Variants in ADAM19 observed in about 807,000 individuals in gnomAD.
The protein encoded by ADAM19 is ADAM metallopeptidase domain 19, also known as disintegrin and metalloproteinase domain-containing protein 19.
ADAM19 carries 65 observed loss-of-function variants against 114.7 expected under a neutral mutation model. The ratio of observed to expected loss-of-function variants is 0.57; its 90% confidence interval spans 0.46 to 0.70. The LOEUF is 0.70. Among genes scored for constraint, ADAM19 ranks in the 30% least tolerant of loss-of-function variants. The probability of loss-of-function intolerance (pLI) is 0.00; values close to 1 mark genes in which losing one functional copy is unlikely to be tolerated. For missense variants in ADAM19, 1,063 were observed against 1,204.7 expected, an observed-to-expected ratio of 0.88 and a Z score of 1.74; for synonymous variants, 466 against 460.5, an observed-to-expected ratio of 1.01 and a Z score of -0.15.
chr5:157,491,768 C>G (rs201100159), intron 17 of ADAM19, 45 bp from the exon 18 acceptor site: 1 of 1,611,466 alleles, frequency 6.2e-7, no homozygotes, highest in African/African-American at 1.3e-5. Flanking sequence ...CAGAGAGCAT[C>G]AGCCACCCAC....
chr5:157,572,410 T>C, intron 1 of ADAM19: 1 of 364,922 alleles, frequency 2.7e-6, no homozygotes, highest in South Asian at 2.0e-5. Context: ...AACAGACTGG[T>C]CTCCGTAGTG....
rs774081742 is a variant in ADAM19 at position 157,488,442 on chromosome 5, G to C, written c.2373C>G (p.Pro791=). 2.5e-6 allele frequency: 4 copies of C among 1,611,294 alleles called. No homozygotes were observed. The highest frequency in any genetic ancestry group is 3.4e-6 in the Non-Finnish European group (4 of 1,178,168). The stretch of plus-strand genomic sequence containing the variant: ...CACGCAGATAATCTGGAGGGGGCCG[G>C]GGAGGAGGCTGGGAGGGCTTCCGCA... ...EILRKPSQPP[P]RPPPDYLRGG... is the part of the protein sequence containing the mutation. The change falls in exon 21 of 23, where the codon CCC becomes CCG. Residue 791 remains proline (P), a synonymous_variant. Coordinates refer to ENST00000257527, the MANE Select transcript of ADAM19 (RefSeq NM_033274.5).
chr5:157,509,974 T>C (rs192587858), intron 8 of ADAM19, among the ~76,000 whole-genome samples: 2 of 152,378 alleles, frequency 1.3e-5, no homozygotes, highest in Non-Finnish European at 2.9e-5. Context: ...TGCTGTCTTC[T>C]GTAATCAGTG....
chr5:157,562,104 C>T (rs760513216), intron 3 of ADAM19, among the ~76,000 whole-genome samples: 1 of 152,150 alleles, frequency 6.6e-6, no homozygotes, highest in Non-Finnish European at 1.5e-5. Flanking sequence ...AATCCGGACT[C>T]GCACGCACCA....
intron 4 of ADAM19, among the ~76,000 whole-genome samples, chr5:157,537,050 T>C (rs1756787128): frequency 2.0e-5 from 3 of 152,210 alleles, no homozygotes; most frequent in East Asian, 3.8e-4. Context: ...GATAATTCTG[T>C]TGTGGGGGAG....
intron 5 of ADAM19, among the ~76,000 whole-genome samples, chr5:157,520,665 A>G (rs1756259623): frequency 6.6e-6 from 1 of 152,230 alleles, no homozygotes; most frequent in Non-Finnish European, 1.5e-5. Flanking sequence ...CTGGATGATT[A>G]AGTGGAAAGA....
Position 157,480,171 on chromosome 5 carries a change from G to C in ADAM19, c.*778C>G. 1 of 986,198 alleles carries C rather than the reference G, an allele frequency of 1.0e-6. No individual in the cohort carries two copies. The highest frequency in any genetic ancestry group is 1.2e-6 in the Non-Finnish European group (1 of 830,116). 61.1% of individuals were successfully genotyped at this position (986,198 alleles called of 1,614,324 possible). ...GAAGAGAGAAAAGCGTGGGGCACCAGGAAAGTGCGGCAGAGAAAACAAAGA... is the reference window on the plus strand; with the variant it reads ...GAAGAGAGAAAAGCGTGGGGCACCACGAAAGTGCGGCAGAGAAAACAAAGA... On this transcript the variant is annotated 3_prime_UTR_variant, in exon 23 of 23. Coordinates refer to ENST00000257527, the MANE Select transcript of ADAM19 (RefSeq NM_033274.5).
intron 3 of ADAM19, among the ~76,000 whole-genome samples, chr5:157,553,199 T>G (rs1757252942): frequency 6.6e-6 from 1 of 152,230 alleles, no homozygotes; most frequent in South Asian, 2.1e-4. Context: ...CTGTTTGCAA[T>G]GCAACGGATA....
intron 5 of ADAM19, among the ~76,000 whole-genome samples, chr5:157,524,507 C>G (rs1417816262): frequency 1.3e-5 from 2 of 152,250 alleles, no homozygotes; most frequent in African/African-American, 4.8e-5. Context: ...TTCCTGGGGA[C>G]TTGTCCATTC....
Position 157,505,819 on chromosome 5 carries a change from G to A in ADAM19, c.991-11C>T. ...ATTCTCGGAGTGGTCCTGCTCAGAAGACAGAGTTGAGGTCAAGGTCAAGGG... is the reference window on the plus strand; with the variant it reads ...ATTCTCGGAGTGGTCCTGCTCAGAAAACAGAGTTGAGGTCAAGGTCAAGGG... On this transcript the variant is annotated splice_polypyrimidine_tract_variant and intron_variant, in intron 10 of 22. Coordinates refer to ENST00000257527, the MANE Select transcript of ADAM19 (RefSeq NM_033274.5). The A allele has an allele frequency of 6.2e-7, 1 of 1,613,134 alleles. No homozygotes were observed. Among genetic ancestry groups the A allele is most frequent in the Non-Finnish European group, 8.5e-7 (1 of 1,179,308 alleles).
chr5:157,517,373 G>A (rs560950381), intron 7 of ADAM19, among the ~76,000 whole-genome samples: 86 of 152,352 alleles, frequency 5.6e-4, no homozygotes, highest in African/African-American at 1.5e-3. Flanking sequence ...CGAACACAGC[G>A]AGCGCTCAGC....
intron 3 of ADAM19, among the ~76,000 whole-genome samples, chr5:157,546,709 C>A (rs1248435177): frequency 6.6e-6 from 1 of 152,164 alleles, no homozygotes. Flanking sequence ...GCCCTCTCCC[C>A]GGGGAGACTG....
chr5:157,523,680 G>A (rs1479024873), intron 5 of ADAM19, among the ~76,000 whole-genome samples: 1 of 152,178 alleles, frequency 6.6e-6, no homozygotes, highest in Non-Finnish European at 1.5e-5. Context: ...TCGCAGAACT[G>A]TAAGCCAAAA....
At position 157,494,674 on chromosome 5, in the gene ADAM19, C is replaced by CT. The variant is rs1755297132; in HGVS notation, c.1703+12dup. On this transcript the variant is annotated intron_variant, in intron 15 of 22. Coordinates refer to ENST00000257527, the MANE Select transcript of ADAM19 (RefSeq NM_033274.5). ...TCATCCTCATTTCATGAGGCCTGCC[C>CT]TTTGGTCATCACCTCATGTTGCACT... is the stretch of plus-strand genomic sequence containing the variant. The CT allele has an allele frequency of 4.3e-6, 7 of 1,609,666 alleles. No individual in the cohort carries two copies. Among genetic ancestry groups the CT allele is most frequent in the Non-Finnish European group, 5.1e-6 (6 of 1,176,562 alleles).
rs1246095573 is a variant in ADAM19, at chr5:157,512,697, G to T, written c.738+737C>A. 2.0e-5 allele frequency among the ~76,000 whole-genome samples: 3 copies of T among 152,154 alleles called. No homozygotes were observed. The South Asian group carries it at 6.2e-4, about 32-fold the overall frequency. On this transcript the variant is annotated intron_variant, in intron 8 of 22. Transcript: ENST00000257527. ...ATTTCCGAAGAGCATCTTGTAAAAG[G>T]TCCTGACCTAGGAAAGTTAACCACT... is the stretch of plus-strand genomic sequence containing the variant.
At chr5:157,487,441 G>A (rs1046719353) in intron 21 of ADAM19, among the ~76,000 whole-genome samples, 7 of 152,132 alleles carry the variant, frequency 4.6e-5, no homozygotes, top group African/African-American at 1.7e-4. Flanking sequence ...GGGTTCCATG[G>A]AGCCCTCTGG....
At position 157,481,887 on chromosome 5, in the gene ADAM19, G is replaced by A. The variant is rs760145479; in HGVS notation, c.2607C>T (p.Gly869=). ...CTCCTGGCCTGGGGAGGCTCCTGCG[G>A]CCTGGCACTGGGTTTGCCGGGAGTG... ...QKALPANPVP[G]RRSLPRPGGA... is the part of the protein sequence containing the mutation. The change falls in exon 22 of 23, where the codon GGC becomes GGT. Residue 869 remains glycine (G), a synonymous_variant. Coordinates refer to ENST00000257527, the MANE Select transcript of ADAM19 (RefSeq NM_033274.5). The A allele has an allele frequency of 6.2e-7, 1 of 1,602,344 alleles. No individual in the cohort carries two copies. The highest frequency in any genetic ancestry group is 2.2e-5 in the East Asian group (1 of 44,472).
In ADAM19 at chr5:157,493,096, A is replaced by G; in HGVS notation, c.1785T>C (p.Thr595=). The change falls in exon 16 of 23, where the codon ACT becomes ACC. Residue 595 remains threonine, a synonymous_variant. Transcript: ENST00000257527. ...LESNAVPIDT[T]IIMNGRQIQC... ...GGATCTGCCTCCCATTCATGATGAT[A>G]GTGGTGTCAATGGGCACCGCGTTGG... The G allele has an allele frequency of 6.2e-7, 1 of 1,614,204 alleles. No homozygotes were observed. Among genetic ancestry groups the G allele is most frequent in the Non-Finnish European group, 8.5e-7 (1 of 1,180,036 alleles).
intron 7 of ADAM19, 35 bp downstream of exon 7, chr5:157,518,788 C>G: frequency 1.3e-6 from 2 of 1,526,192 alleles, no homozygotes; most frequent in Non-Finnish European, 1.8e-6. Context: ...ATCAAGAGAG[C>G]AGTTTTTCTG....
Sources: allele counts gnomAD v4.1 joint callset (sites outside exome capture counted in the v4.1 genomes callset), GRCh38; gene constraint gnomAD v4.1.1; transcripts MANE v1.5; gene names NCBI Gene and HGNC (gene_info 2026-07-23, HGNC 2026-07-21).